Variants in DTNA observed in about 807,000 individuals in gnomAD.
The protein encoded by DTNA is dystrophin-related protein 3.
A neutral mutation model predicts 100.7 loss-of-function variants in DTNA; 43 were observed. The observed-to-expected ratio is 0.43, with a 90% CI of 0.33 to 0.55. The LOEUF is 0.55. Ranked by LOEUF, DTNA falls within the 20% of genes least tolerant of loss-of-function variation. DTNA has a pLI of 0.04. For synonymous variants in DTNA, 349 were observed against 347.9 expected (o/e 1.00, Z -0.04); for missense variants, 798 against 953.9 (o/e 0.84, Z 2.15).
chr18:34,565,663 T>C (rs567182576), intron 1 of DTNA, among the ~76,000 whole-genome samples: 2 of 152,338 alleles, frequency 1.3e-5, no homozygotes, highest in East Asian at 3.9e-4. Context: ...CATGACTTTC[T>C]TTGTGTCTCT....
At chr18:34,751,403 T>C (rs1472468233) in intron 1 of DTNA, among the ~76,000 whole-genome samples, 1 of 152,224 alleles carries the variant, frequency 6.6e-6, no homozygotes, top group Non-Finnish European at 1.5e-5. Flanking sequence ...TTCCTAAACC[T>C]GAATCTCTAT....
intron 1 of DTNA, among the ~76,000 whole-genome samples, chr18:34,740,151 A>G (rs1000206345): frequency 6.6e-6 from 1 of 152,100 alleles, no homozygotes; most frequent in Non-Finnish European, 1.5e-5. Flanking sequence ...TTTATAGGAC[A>G]GTTTTTTAGT....
chr18:34,506,417 A>T (rs911776525), intron 1 of DTNA, among the ~76,000 whole-genome samples: 1 of 152,120 alleles, frequency 6.6e-6, no homozygotes, highest in Non-Finnish European at 1.5e-5. Context: ...CTATGACATC[A>T]TCACGGTGGG....
intron 1 of DTNA, among the ~76,000 whole-genome samples, chr18:34,592,467 A>AC (rs2049835173): frequency 7.2e-6 from 1 of 139,436 alleles, no homozygotes; most frequent in African/African-American, 2.8e-5. Context: ...ACACTTGTAT[A>AC]ACACACACAC....
chr18:34,672,978 A>G (rs1370716470), intron 1 of DTNA, among the ~76,000 whole-genome samples: 1 of 152,204 alleles, frequency 6.6e-6, no homozygotes, highest in Non-Finnish European at 1.5e-5. Flanking sequence ...ACACACACAC[A>G]CACATACCCG....
At chr18:34,792,170 GAGAACCATACTTT>G in intron 3 of DTNA, among the ~76,000 whole-genome samples, 1 of 150,966 alleles carries the variant, frequency 6.6e-6, no homozygotes. Context: ...AGTTAGTTAT[GAGAACCATACTTT>G]AGGTTTTTGT....
At chr18:34,843,694 A>G (rs749183925) in intron 13 of DTNA, among the ~76,000 whole-genome samples, 2 of 152,090 alleles carry the variant, frequency 1.3e-5, no homozygotes, top group African/African-American at 2.4e-5. Flanking sequence ...ATATAGTCAC[A>G]TTCTAAGGTA....
chr18:34,857,507 T>C (rs1037958087), intron 15 of DTNA, among the ~76,000 whole-genome samples: 2 of 152,192 alleles, frequency 1.3e-5, no homozygotes, highest in African/African-American at 2.4e-5. Flanking sequence ...CCAGGTCACA[T>C]ATCCTTTATG....
At chr18:34,705,277 C>T (rs1246267427) in intron 1 of DTNA, among the ~76,000 whole-genome samples, 1 of 152,060 alleles carries the variant, frequency 6.6e-6, no homozygotes, top group Admixed American at 6.6e-5. Context: ...AGATATACTG[C>T]CGTGTGGGTT....
At chr18:34,660,858 C>T (rs1397241451) in intron 1 of DTNA, among the ~76,000 whole-genome samples, 1 of 152,142 alleles carries the variant, frequency 6.6e-6, no homozygotes, top group Non-Finnish European at 1.5e-5. Context: ...CTGACCCAAC[C>T]AGTGTACATC....
At chr18:34,827,248 G>T (rs146938138) in intron 9 of DTNA, among the ~76,000 whole-genome samples, 181 of 151,184 alleles carry the variant, frequency 1.2e-3, no homozygotes, top group African/African-American at 4.2e-3. Flanking sequence ...GGTCTTCAAG[G>T]CTTCTTGAGA....
At chr18:34,766,528 T>G (rs1248306653) in intron 3 of DTNA, among the ~76,000 whole-genome samples, 3 of 150,204 alleles carry the variant, frequency 2.0e-5, no homozygotes, top group East Asian at 1.9e-4. Flanking sequence ...TGTTGTGGTG[T>G]GGGAGGAAGG....
At chr18:34,769,810 CT>C (rs1454158944) in intron 3 of DTNA, among the ~76,000 whole-genome samples, 3 of 144,086 alleles carry the variant, frequency 2.1e-5, no homozygotes, top group Non-Finnish European at 4.5e-5. Context: ...CAACCTCCGC[CT>C]CCCAGGTTCA....
rs898552904 is a variant in DTNA, at chr18:34,631,903, T to A, written c.-1-124073T>A. On this transcript the variant is annotated intron_variant, in intron 1 of 19. Transcript: ENST00000283365. ...TGAAACCACTGGGTTCTCCTCAAAT[T>A]TAGTGAGCTATACTTCTATCGGGAG... Among the ~76,000 whole-genome samples the A allele has an allele frequency of 2.6e-5, 4 of 152,284 alleles. 1 individual carries two copies. The highest frequency in any genetic ancestry group is 2.6e-4 in the Admixed American group (4 of 15,290).
intron 1 of DTNA, among the ~76,000 whole-genome samples, chr18:34,713,260 G>C (rs1183664068): frequency 6.6e-6 from 1 of 151,974 alleles, no homozygotes; most frequent in Non-Finnish European, 1.5e-5. Flanking sequence ...GAAGGAAAGT[G>C]GAAATTACTA....
chr18:34,650,415 TTGTG>T (rs1401012836), intron 1 of DTNA, among the ~76,000 whole-genome samples: 1 of 152,134 alleles, frequency 6.6e-6, no homozygotes. Flanking sequence ...ATGTGCATGT[TTGTG>T]TGTTTTTCCT....
chr18:34,863,338 A>G (rs1481342808), intron 16 of DTNA, among the ~76,000 whole-genome samples: 1 of 152,224 alleles, frequency 6.6e-6, no homozygotes, highest in Non-Finnish European at 1.5e-5. Flanking sequence ...AAAATTAAGC[A>G]TGAACCTTAT....
chr18:34,533,073 A>C (rs2043307255), intron 1 of DTNA, among the ~76,000 whole-genome samples: 1 of 152,024 alleles, frequency 6.6e-6, no homozygotes, highest in African/African-American at 2.4e-5. Flanking sequence ...TTTCATTATC[A>C]AAATGCAGAG....
intron 9 of DTNA, chr18:34,821,459 TC>T (rs2095715475): frequency 6.6e-6 from 3 of 456,330 alleles, no homozygotes; most frequent in Non-Finnish European, 1.3e-5. Context: ...ATCCATAGAT[TC>T]TTTTCTTCAA....
Sources: gnomAD v4.1 joint callset for allele counts (sites outside exome capture counted in the v4.1 genomes callset) on GRCh38, gnomAD v4.1.1 for gene constraint, MANE v1.5 for transcripts, NCBI Gene and HGNC (gene_info 2026-07-23, HGNC 2026-07-21) for gene names.